The following GRIP1 variants were observed in gnomAD, a reference collection of about 807,000 sequenced individuals.
GRIP1 encodes the protein glutamate receptor-interacting protein 1.
In GRIP1, 45 loss-of-function variants were observed where a neutral mutation model predicts 129.9. The ratio of observed to expected loss-of-function variants is 0.35; its 90% CI spans 0.27 to 0.44. GRIP1 has a LOEUF of 0.44. GRIP1 is among the 20% of genes least tolerant of loss of function. The pLI, the probability that GRIP1 is intolerant of heterozygous loss-of-function variation, is 1.00. For synonymous variants in GRIP1, 530 were observed against 520.8 expected, an observed-to-expected ratio of 1.02 and a Z score of -0.24; for missense variants, 1,196 against 1,396.8, an observed-to-expected ratio of 0.86 and a Z score of 2.29.
intron 1 of GRIP1, among the ~76,000 whole-genome samples, chr12:66,686,403 A>G (rs992497308): frequency 8.5e-5 from 13 of 152,248 alleles, no homozygotes; most frequent in African/African-American, 3.1e-4. Context: ...TCCTGATAGT[A>G]GATTCTGGTC....
chr12:66,628,058 A>G (rs2140018403), intron 1 of GRIP1, among the ~76,000 whole-genome samples: 1 of 152,318 alleles, frequency 6.6e-6, no homozygotes, highest in African/African-American at 2.4e-5. Flanking sequence ...AACAAACCAC[A>G]AAATAAGCAT....
At chr12:66,408,955 A>G (rs2057293724) in intron 15 of GRIP1, among the ~76,000 whole-genome samples, 1 of 152,046 alleles carries the variant, frequency 6.6e-6, no homozygotes, top group Non-Finnish European at 1.5e-5. Flanking sequence ...TGAGGAAAGG[A>G]TGGGAAGGAC....
chr12:66,720,961 T>G (rs529653550), intron 1 of GRIP1, among the ~76,000 whole-genome samples: 238 of 152,316 alleles, frequency 1.6e-3, no homozygotes, highest in Middle Eastern at 3.4e-3. Flanking sequence ...GTTTTCAATT[T>G]ACTTTGCCCA....
At chr12:66,677,226 A>C (rs1296577474) in intron 1 of GRIP1, among the ~76,000 whole-genome samples, 2 of 152,210 alleles carry the variant, frequency 1.3e-5, no homozygotes, top group Admixed American at 1.3e-4. Flanking sequence ...TCAATGCAGG[A>C]GATCAATGCT....
chr12:67,022,744 G>A (rs2042886621), intron 1 of GRIP1, among the ~76,000 whole-genome samples: 1 of 152,018 alleles, frequency 6.6e-6, no homozygotes, highest in Non-Finnish European at 1.5e-5. Context: ...AGGGGTAAAG[G>A]CGCAGGTTTG....
In GRIP1 at chr12:66,930,621, T is replaced by A. The variant is rs186697470; in HGVS notation, c.58+138429A>T. On this transcript the variant is annotated intron_variant, in intron 1 of 1. Coordinates refer to the GRIP1 transcript ENST00000643019. ...TCTCCCCTCACTAGTCAATTTAGAA[T>A]GTCTGAAGTTTATCTGAAATAGCAT... 2.3e-3 allele frequency among the ~76,000 whole-genome samples: 354 copies of A among 152,298 alleles called. 5 individuals are homozygous for A. The highest frequency in any genetic ancestry group is 1.5e-4 in the Non-Finnish European group (10 of 68,014).
intron 1 of GRIP1, among the ~76,000 whole-genome samples, chr12:66,820,524 A>T (rs2039298501): frequency 6.6e-6 from 1 of 152,210 alleles, no homozygotes; most frequent in Non-Finnish European, 1.5e-5. Flanking sequence ...AAAGGTATTA[A>T]AAATTATGTC....
chr12:66,621,617 C>T (rs191752260), intron 1 of GRIP1, among the ~76,000 whole-genome samples: 9 of 152,152 alleles, frequency 5.9e-5, no homozygotes, highest in Admixed American at 1.3e-4. Context: ...TATATGTAGG[C>T]GTGGAATTGT....
chr12:66,796,307 G>A (rs1304853680), intron 1 of GRIP1, among the ~76,000 whole-genome samples: 3 of 148,776 alleles, frequency 2.0e-5, no homozygotes, highest in Middle Eastern at 3.4e-3. Flanking sequence ...ATTATTCCTA[G>A]GAAAAAATGG....
chr12:66,550,331 A>T (rs146117331), intron 2 of GRIP1, among the ~76,000 whole-genome samples: 43 of 152,324 alleles, frequency 2.8e-4, no homozygotes, highest in African/African-American at 1.0e-3. Flanking sequence ...TGTTCAATAT[A>T]TGTTAGCCAA....
chr12:66,438,442 C>A (rs1236927228), intron 13 of GRIP1, among the ~76,000 whole-genome samples: 1 of 151,912 alleles, frequency 6.6e-6, no homozygotes, highest in South Asian at 2.1e-4. Flanking sequence ...GTTCCTGATC[C>A]CAGTTCCTCA....
chr12:66,455,936 T>C (rs1408087194), intron 10 of GRIP1, among the ~76,000 whole-genome samples: 4 of 152,220 alleles, frequency 2.6e-5, no homozygotes, highest in Non-Finnish European at 4.4e-5. Flanking sequence ...CCTGAGAACA[T>C]TGTCTCTGTA....
At chr12:66,502,316 G>T (rs2060415316) in intron 7 of GRIP1, among the ~76,000 whole-genome samples, 1 of 152,074 alleles carries the variant, frequency 6.6e-6, no homozygotes, top group Non-Finnish European at 1.5e-5. Flanking sequence ...TAAGTTATTT[G>T]TCCATGTTAC....
chr12:66,924,718 A>T lies in GRIP1; in HGVS notation c.58+144332T>A, dbSNP rs561981082. 2.6e-5 allele frequency among the ~76,000 whole-genome samples: 4 copies of T among 152,350 alleles called. No homozygotes were observed. In the South Asian group the frequency reaches 8.3e-4, roughly 32 times the overall value. ...CACGGTGGCTCACGCCTGTAATCCC[A>T]GCACTTTGGGAGGCCGAGGCGGGTG... On this transcript the variant is annotated intron_variant, in intron 1 of 1. Transcript: ENST00000643019.
At chr12:66,861,866 A>G (rs932700027) in intron 1 of GRIP1, among the ~76,000 whole-genome samples, 18 of 152,258 alleles carry the variant, frequency 1.2e-4, no homozygotes, top group African/African-American at 4.3e-4. Flanking sequence ...CATAAGTCCT[A>G]TGTAAGTCCT....
At chr12:66,780,837 G>C (rs1360638909) in intron 1 of GRIP1, among the ~76,000 whole-genome samples, 1 of 152,166 alleles carries the variant, frequency 6.6e-6, no homozygotes. Flanking sequence ...CTGTGAGAAA[G>C]CTCAAACTAG....
At chr12:66,616,461 G>A (rs1401610372) in intron 1 of GRIP1, among the ~76,000 whole-genome samples, 1 of 152,098 alleles carries the variant, frequency 6.6e-6, no homozygotes, top group Admixed American at 6.6e-5. Context: ...TCATACTTCT[G>A]TGAGTCTCTG....
chr12:66,619,114 A>G (rs557400861), intron 1 of GRIP1, among the ~76,000 whole-genome samples: 5 of 152,242 alleles, frequency 3.3e-5, no homozygotes, highest in African/African-American at 1.2e-4. Context: ...GAACCCAAGG[A>G]ATGAAGATCA....
intron 1 of GRIP1, among the ~76,000 whole-genome samples, chr12:66,779,437 TTTATG>T (rs1348433290): frequency 2.0e-5 from 3 of 152,220 alleles, no homozygotes; most frequent in African/African-American, 4.8e-5. Context: ...TGGGGTAGAT[TTTATG>T]TTATAATACT....
Sources: allele counts gnomAD v4.1 joint callset (sites outside exome capture counted in the v4.1 genomes callset), GRCh38; gene constraint gnomAD v4.1.1; transcripts MANE v1.5; gene names NCBI Gene and HGNC (gene_info 2026-07-23, HGNC 2026-07-21).